The following NFASC variants were observed in gnomAD, a reference collection of about 807,000 sequenced individuals.
The protein encoded by NFASC is neurofascin homolog.
Under a neutral mutation model 147.5 loss-of-function variants are expected in NFASC, and 43 were observed. That is an observed-to-expected ratio of 0.29 (90% CI 0.23 to 0.38). The LOEUF (loss-of-function observed/expected upper bound fraction) is 0.38, where lower values mean the gene tolerates loss of function less well. NFASC is among the 10% of genes least tolerant of loss of function. NFASC has a pLI of 1.00. For missense variants in NFASC, 1,320 were observed against 1,689.0 expected, an observed-to-expected ratio of 0.78 and a Z score of 3.83; for synonymous variants, 622 against 665.5, an observed-to-expected ratio of 0.93 and a Z score of 1.01.
chr1:204,980,351 G>A lies in NFASC; in HGVS notation c.2177-19G>A, dbSNP rs2095488425. On this transcript the variant is annotated intron_variant, in intron 19 of 29. Transcript: ENST00000339876. ...AAAGGCACAAATTGGACTTGAGCCTGTGTCTGTTTGGGTTCCAGCCCCCGA... is the reference window on the plus strand; with the variant it reads ...AAAGGCACAAATTGGACTTGAGCCTATGTCTGTTTGGGTTCCAGCCCCCGA... The A allele has an allele frequency of 2.5e-6, 4 of 1,609,892 alleles. No individual in the cohort carries two copies. Among genetic ancestry groups the A allele is most frequent in the Non-Finnish European group, 3.4e-6 (4 of 1,176,814 alleles).
At chr1:204,884,990 A>C (rs1055181080) in intron 1 of NFASC, among the ~76,000 whole-genome samples, 3 of 152,172 alleles carry the variant, frequency 2.0e-5, no homozygotes, top group African/African-American at 7.2e-5. Context: ...AGCTGGGCAC[A>C]GTGGCTCACA....
chr1:204,854,664 G>A (rs2076000583), intron 1 of NFASC, among the ~76,000 whole-genome samples: 1 of 152,212 alleles, frequency 6.6e-6, no homozygotes, highest in Admixed American at 6.5e-5. Context: ...TCAACTTAGT[G>A]CCAACTTAGC....
At chr1:204,832,939 G>A (rs1211834429) in intron 1 of NFASC, among the ~76,000 whole-genome samples, 1 of 152,214 alleles carries the variant, frequency 6.6e-6, no homozygotes, top group East Asian at 1.9e-4. Flanking sequence ...CCCAGCTAAG[G>A]CCCAGGTCTA....
At chr1:204,920,793 G>A (rs530362458) in intron 2 of NFASC, 53 bp downstream of exon 2, 1 of 821,810 alleles carries the variant, frequency 1.2e-6, no homozygotes, top group Non-Finnish European at 1.8e-6. Flanking sequence ...GAGAATGAGG[G>A]GACATTCTCG....
At chr1:204,868,190 T>A (rs1237470741) in intron 1 of NFASC, among the ~76,000 whole-genome samples, 1 of 152,220 alleles carries the variant, frequency 6.6e-6, no homozygotes, top group Non-Finnish European at 1.5e-5. Context: ...TCTGGCCTGC[T>A]CAGTCCACCC....
At chr1:204,974,584 T>C (rs1209030991) in intron 13 of NFASC, 73 bp from the exon 14 acceptor site, 17 of 1,534,882 alleles carry the variant, frequency 1.1e-5, no homozygotes, top group Non-Finnish European at 1.5e-5. Flanking sequence ...TGGTCTCTCT[T>C]GATTGGCTGC....
chr1:204,873,295 G>A (rs1370727557), intron 1 of NFASC, among the ~76,000 whole-genome samples: 5 of 152,184 alleles, frequency 3.3e-5, no homozygotes, highest in Non-Finnish European at 7.3e-5. Context: ...GCCAGCAGTG[G>A]TCTGCCATGA....
At chr1:204,873,811 G>A (rs999175933) in intron 1 of NFASC, among the ~76,000 whole-genome samples, 2 of 152,162 alleles carry the variant, frequency 1.3e-5, no homozygotes, top group East Asian at 1.9e-4. Flanking sequence ...CTGTCACCCT[G>A]ATCTGTACCA....
chr1:204,996,581 C>T (rs913478014), intron 24 of NFASC, among the ~76,000 whole-genome samples: 12 of 152,188 alleles, frequency 7.9e-5, no homozygotes, highest in Admixed American at 1.3e-4. Flanking sequence ...GCAGGCAGAA[C>T]GCCGTGCAAG....
At position 205,022,783 on chromosome 1, in the gene NFASC, A is replaced by G. The variant is rs1020754404; in HGVS notation, c.*6244A>G. ...GTAAAAAAACTGATTTCTTTTGTAT[A>G]GAGAACACTAAACGTATAATAAAAG... is the stretch of plus-strand genomic sequence containing the variant. On this transcript the variant is annotated 3_prime_UTR_variant, in exon 30 of 30. Transcript: ENST00000339876. 3.3e-5 allele frequency: 5 copies of G among 152,664 alleles called. No homozygotes were observed. The highest frequency in any genetic ancestry group is 7.3e-5 in the Non-Finnish European group (5 of 68,044). 9.5% of individuals were successfully genotyped at this position (152,664 alleles called of 1,614,324 possible). A position where few individuals can be genotyped will look rare whatever the true frequency, so the allele number is the denominator to read the frequency against.
At position 204,920,706 on chromosome 1, in the gene NFASC, G is replaced by A. The variant is rs745686168; in HGVS notation, c.-125G>A. 2.4e-5 allele frequency: 31 copies of A among 1,289,618 alleles called. 2 individuals are homozygous for A. The Middle Eastern group carries it at 3.8e-3, about 159-fold the overall frequency. 79.9% of individuals were successfully genotyped at this position (1,289,618 alleles called of 1,614,324 possible). Reference sequence around the variant, plus strand: ...GCAGCCTGGAACAGAGCCTCCTCTGGTGTTGCAAGGAAGAGGCTGAATGAG... The same window carrying A: ...GCAGCCTGGAACAGAGCCTCCTCTGATGTTGCAAGGAAGAGGCTGAATGAG... On this transcript the variant is annotated 5_prime_UTR_variant, in exon 2 of 30. The change creates a new upstream start codon in the 5' untranslated region. Transcript: ENST00000339876.
At chr1:204,837,119 A>G (rs1674006639) in intron 1 of NFASC, among the ~76,000 whole-genome samples, 5 of 152,374 alleles carry the variant, frequency 3.3e-5, no homozygotes, top group African/African-American at 1.2e-4. Flanking sequence ...CCACATAGGA[A>G]CCTGGTAATG....
intron 24 of NFASC, chr1:204,993,726 T>A: frequency 1.9e-6 from 1 of 514,102 alleles, no homozygotes. Context: ...CTTCCAAACC[T>A]GTAGCTCCTA....
intron 12 of NFASC, 71 bp from the exon 13 acceptor site, chr1:204,974,108 G>A: frequency 1.6e-6 from 2 of 1,248,176 alleles, no homozygotes; most frequent in South Asian, 2.6e-5. Flanking sequence ...GGCATGCAGA[G>A]GTGAGACCGA....
Position 204,957,846 on chromosome 1 carries a change from C to T in NFASC, c.706+20C>T. The stretch of plus-strand genomic sequence containing the variant: ...TCACCAGTAAGTGAAGGCCCCTGTC[C>T]CGGGGCTGGGGGCCAAAGAAAGAAG... On this transcript the variant is annotated intron_variant, in intron 8 of 29. Transcript: ENST00000339876. The T allele has an allele frequency of 6.2e-7, 1 of 1,613,296 alleles. No individual in the cohort carries two copies. The highest frequency in any genetic ancestry group is 8.5e-7 in the Non-Finnish European group (1 of 1,179,410).
At chr1:204,912,766 C>A (rs1020937674) in intron 1 of NFASC, among the ~76,000 whole-genome samples, 1 of 152,052 alleles carries the variant, frequency 6.6e-6, no homozygotes, top group Non-Finnish European at 1.5e-5. Context: ...TGCCTGTAAT[C>A]CCAACACTTT....
At chr1:204,906,905 C>G (rs12072308) in intron 1 of NFASC, among the ~76,000 whole-genome samples, 75,624 of 151,328 alleles carry the variant, frequency 0.5, 19,103 homozygotes, top group African/African-American at 0.57. Flanking sequence ...GGATGGTCTG[C>G]ATCTCCTGAC....
intron 1 of NFASC, among the ~76,000 whole-genome samples, chr1:204,883,111 T>A (rs1197622244): frequency 1.3e-4 from 19 of 151,928 alleles, no homozygotes; most frequent in Non-Finnish European, 4.4e-5. Flanking sequence ...AAACAGTAGT[T>A]ACAAGGAAGG....
At chr1:204,948,992 A>T (rs2093954622) in intron 3 of NFASC, among the ~76,000 whole-genome samples, 1 of 152,180 alleles carries the variant, frequency 6.6e-6, no homozygotes, top group Admixed American at 6.5e-5. Context: ...ATGGGTGAAG[A>T]TGCTGTGGAG....
Sources: gnomAD v4.1 joint callset for allele counts (sites outside exome capture counted in the v4.1 genomes callset) on GRCh38, gnomAD v4.1.1 for gene constraint, MANE v1.5 for transcripts, NCBI Gene and HGNC (gene_info 2026-07-23, HGNC 2026-07-21) for gene names.